The following XKR9 variants were observed in gnomAD, a reference collection of about 807,000 sequenced individuals.
XKR9 encodes XK-related protein 9.
XKR9 carries 32 observed loss-of-function variants against 32.0 expected under a neutral mutation model. The observed-to-expected ratio is 1.00, with a 90% confidence interval of 0.76 to 1.34. XKR9 has a LOEUF of 1.34. Ranked by LOEUF, XKR9 falls within the 40% of genes most tolerant of loss-of-function variation. XKR9 has a pLI of 0.00. For synonymous variants in XKR9, 168 were observed against 143.4 expected (o/e 1.17, Z -1.22); for missense variants, 546 against 429.7 (o/e 1.27, Z -2.39).
intron 2 of XKR9, among the ~76,000 whole-genome samples, chr8:70,770,926 T>G (rs888498920): frequency 1.3e-5 from 2 of 152,154 alleles, no homozygotes; most frequent in Non-Finnish European, 2.9e-5. Context: ...GAATGCTTCT[T>G]GTCTTGCTGG....
the XKR9 span, among the ~76,000 whole-genome samples, chr8:70,934,102 C>G: frequency 3.3e-5 from 5 of 152,034 alleles, no homozygotes; most frequent in East Asian, 9.7e-4. Context: ...TATAAAATTA[C>G]TTTAGAGTTA....
chr8:70,716,699 A>G (rs1312065810), intron 4 of XKR9, among the ~76,000 whole-genome samples: 2 of 152,248 alleles, frequency 1.3e-5, no homozygotes. Context: ...AAGCCAAACC[A>G]TATCATTCCT....
At chr8:70,867,396 G>T in the XKR9 span, among the ~76,000 whole-genome samples, 1 of 152,198 alleles carries the variant, frequency 6.6e-6, no homozygotes, top group African/African-American at 2.4e-5. Context: ...AAATCTCATG[G>T]CCACACATTT....
the XKR9 span, among the ~76,000 whole-genome samples, chr8:70,837,814 C>A: frequency 6.6e-6 from 1 of 152,046 alleles, no homozygotes; most frequent in South Asian, 2.1e-4. Flanking sequence ...CATTCCTTCT[C>A]TCTGTTTCTA....
At chr8:70,910,695 A>G in the XKR9 span, among the ~76,000 whole-genome samples, 1 of 152,130 alleles carries the variant, frequency 6.6e-6, no homozygotes, top group South Asian at 2.1e-4. Flanking sequence ...TTATTATCTC[A>G]CTGTTCTACA....
chr8:70,762,769 T>C (rs533755094), intron 2 of XKR9, among the ~76,000 whole-genome samples: 72 of 152,194 alleles, frequency 4.7e-4, no homozygotes, highest in Non-Finnish European at 8.2e-4. Context: ...TAAAGATAAA[T>C]AAGATATCCC....
At chr8:70,693,654 T>C (rs1323291819) in intron 3 of XKR9, among the ~76,000 whole-genome samples, 1 of 151,916 alleles carries the variant, frequency 6.6e-6, no homozygotes, top group Non-Finnish European at 1.5e-5. Flanking sequence ...CCCCAGAGAG[T>C]TGCAGGTCAG....
intron 3 of XKR9, among the ~76,000 whole-genome samples, 157 bp from the exon 4 acceptor site, chr8:70,706,776 C>T (rs1402769300): frequency 6.6e-6 from 1 of 152,002 alleles, no homozygotes; most frequent in Non-Finnish European, 1.5e-5. Flanking sequence ...TCAATAAAGC[C>T]ACTATGAGAT....
intron 3 of XKR9, among the ~76,000 whole-genome samples, chr8:70,701,256 C>T (rs996426151): frequency 1.3e-5 from 2 of 152,180 alleles, no homozygotes; most frequent in African/African-American, 4.8e-5. Context: ...GACGGAAATG[C>T]AGAAATCACC....
At chr8:70,896,423 T>G in the XKR9 span, among the ~76,000 whole-genome samples, 1 of 152,098 alleles carries the variant, frequency 6.6e-6, no homozygotes, top group Non-Finnish European at 1.5e-5. Flanking sequence ...TTTGTTATTC[T>G]GTCTTTCAAG....
the XKR9 span, among the ~76,000 whole-genome samples, chr8:70,996,967 G>C: frequency 6.6e-6 from 1 of 152,162 alleles, no homozygotes; most frequent in African/African-American, 2.4e-5. Context: ...ATAAACTTTT[G>C]GTTTCCAATC....
chr8:70,685,451 T>G (rs1819233838), intron 3 of XKR9, among the ~76,000 whole-genome samples: 1 of 146,916 alleles, frequency 6.8e-6, no homozygotes, highest in Non-Finnish European at 1.5e-5. Flanking sequence ...CATATGTAAC[T>G]AACCTGCACA....
the XKR9 span, among the ~76,000 whole-genome samples, chr8:70,917,673 T>C: frequency 6.6e-6 from 1 of 152,232 alleles, no homozygotes; most frequent in East Asian, 1.9e-4. Flanking sequence ...TCTCCAAATG[T>C]TGGCATCTTA....
At chr8:70,914,780 T>G in the XKR9 span, among the ~76,000 whole-genome samples, 1 of 152,196 alleles carries the variant, frequency 6.6e-6, no homozygotes, top group Non-Finnish European at 1.5e-5. Flanking sequence ...ATAACCAGTT[T>G]AAAAGATATT....
At chr8:70,828,492 G>A in the XKR9 span, among the ~76,000 whole-genome samples, 2 of 151,938 alleles carry the variant, frequency 1.3e-5, no homozygotes, top group Non-Finnish European at 2.9e-5. Context: ...TTGGGAGGCC[G>A]AGGCGGGCGG....
At chr8:70,754,446 C>G (rs1210811839) in intron 2 of XKR9, among the ~76,000 whole-genome samples, 1 of 128,628 alleles carries the variant, frequency 7.8e-6, no homozygotes, top group African/African-American at 2.5e-5. Flanking sequence ...TAAAAGAGCC[C>G]GCATCGCCAA....
At chr8:70,879,324 G>C in the XKR9 span, among the ~76,000 whole-genome samples, 1 of 152,118 alleles carries the variant, frequency 6.6e-6, no homozygotes, top group Non-Finnish European at 1.5e-5. Context: ...AACTGAAAGA[G>C]ATAGAGACAC....
downstream of XKR9, among the ~76,000 whole-genome samples, chr8:70,793,580 A>G (rs1807792573): frequency 6.6e-6 from 1 of 152,118 alleles, no homozygotes; most frequent in African/African-American, 2.4e-5. Context: ...CCTTTTCTTT[A>G]TAAATTACCC....
chr8:70,756,656 G>T (rs938635312), intron 2 of XKR9, among the ~76,000 whole-genome samples: 4 of 151,840 alleles, frequency 2.6e-5, no homozygotes, highest in African/African-American at 9.7e-5. Context: ...TTTCATTTTT[G>T]GATTGCTCAT....
Sources: allele counts gnomAD v4.1 joint callset (sites outside exome capture counted in the v4.1 genomes callset), GRCh38; gene constraint gnomAD v4.1.1; transcripts MANE v1.5; gene names NCBI Gene and HGNC (gene_info 2026-07-23, HGNC 2026-07-21).